The following TUSC3 variants were observed in gnomAD, a reference collection of about 807,000 sequenced individuals.
TUSC3 encodes dolichyl-diphosphooligosaccharide--protein glycosyltransferase subunit TUSC3.
A neutral mutation model predicts 44.8 loss-of-function variants in TUSC3; 45 were observed. The observed-to-expected ratio is 1.00, with a 90% confidence interval of 0.79 to 1.29. TUSC3 has a LOEUF of 1.29. Among genes scored for constraint, TUSC3 ranks in the 50% most tolerant of loss-of-function variants. The probability of loss-of-function intolerance (pLI) is 0.00; values close to 1 mark genes in which losing one functional copy is unlikely to be tolerated. For synonymous variants in TUSC3, 212 were observed against 152.9 expected (o/e 1.39, Z -2.85); for missense variants, 519 against 437.9 (o/e 1.19, Z -1.65).
chr8:15,497,767 C>T, intron 2 of TUSC3, among the ~76,000 whole-genome samples: 1 of 150,038 alleles, frequency 6.7e-6, no homozygotes, highest in African/African-American at 2.5e-5. Flanking sequence ...TTTTTTGAGA[C>T]AAAGTCTCGC....
chr8:15,595,898 G>T (rs371546292), intron 1 of TUSC3, among the ~76,000 whole-genome samples: 4 of 152,238 alleles, frequency 2.6e-5, no homozygotes, highest in African/African-American at 9.6e-5. Flanking sequence ...GTCTTCATAA[G>T]GTCCAGGTAT....
intron 6 of TUSC3, among the ~76,000 whole-genome samples, chr8:15,677,645 A>T (rs772618974): frequency 5.9e-5 from 9 of 152,246 alleles, no homozygotes; most frequent in Admixed American, 1.3e-4. Context: ...GTCCATGCCC[A>T]TATCAGCACA....
chr8:15,742,544 T>A (rs1051278638), intron 7 of TUSC3, among the ~76,000 whole-genome samples: 2 of 152,220 alleles, frequency 1.3e-5, no homozygotes, highest in Non-Finnish European at 2.9e-5. Flanking sequence ...TTCTCTGACC[T>A]CCTCCACTTG....
chr8:15,612,853 G>A (rs1442788775), intron 1 of TUSC3, among the ~76,000 whole-genome samples: 5 of 151,928 alleles, frequency 3.3e-5, no homozygotes, highest in Admixed American at 2.0e-4. Flanking sequence ...GTATCAGTAA[G>A]AGACAAAGCC....
At chr8:15,489,952 G>A (rs1200575765) in intron 2 of TUSC3, among the ~76,000 whole-genome samples, 1 of 152,156 alleles carries the variant, frequency 6.6e-6, no homozygotes, top group Non-Finnish European at 1.5e-5. Context: ...ATATTGTAAA[G>A]TTTTGTAATT....
At chr8:15,750,121 G>C (rs187847723) in intron 9 of TUSC3, among the ~76,000 whole-genome samples, 6 of 150,656 alleles carry the variant, frequency 4.0e-5, no homozygotes, top group African/African-American at 1.2e-4. Context: ...CTGGGACTAC[G>C]GGTGCCCGCC....
chr8:15,844,324 A>G, the TUSC3 span, among the ~76,000 whole-genome samples: 1 of 152,162 alleles, frequency 6.6e-6, no homozygotes, highest in African/African-American at 2.4e-5. Context: ...TGCGTTGGGC[A>G]CTGGGCTAGT....
chr8:15,822,881 T>C, the TUSC3 span, among the ~76,000 whole-genome samples: 1 of 152,154 alleles, frequency 6.6e-6, no homozygotes, highest in Non-Finnish European at 1.5e-5. Context: ...GTTGGAGATT[T>C]GGGGGCAAAA....
At chr8:15,476,779 T>C (rs1800581489) in intron 1 of TUSC3, among the ~76,000 whole-genome samples, 2 of 152,210 alleles carry the variant, frequency 1.3e-5, no homozygotes, top group African/African-American at 4.8e-5. Flanking sequence ...TCTAGAGGTT[T>C]CCTATTGGCC....
chr8:15,699,314 C>G (rs1809299952), intron 6 of TUSC3, among the ~76,000 whole-genome samples: 1 of 152,092 alleles, frequency 6.6e-6, no homozygotes, highest in Non-Finnish European at 1.5e-5. Context: ...AAGTGTTTTT[C>G]ATTTTCTCCT....
chr8:15,479,490 T>C (rs1232920061), intron 1 of TUSC3, among the ~76,000 whole-genome samples: 1 of 152,190 alleles, frequency 6.6e-6, no homozygotes, highest in African/African-American at 2.4e-5. Flanking sequence ...TGAGTTTCAA[T>C]TTTCTGTATA....
At chr8:15,561,847 C>T (rs917816131) in intron 1 of TUSC3, among the ~76,000 whole-genome samples, 6 of 152,234 alleles carry the variant, frequency 3.9e-5, no homozygotes, top group Admixed American at 6.5e-5. Context: ...GAGGCAATGC[C>T]TCGCCCTGTT....
chr8:15,759,387 C>T (rs1812075489), intron 10 of TUSC3, among the ~76,000 whole-genome samples: 1 of 151,938 alleles, frequency 6.6e-6, no homozygotes, highest in Non-Finnish European at 1.5e-5. Context: ...GGAACTTAAC[C>T]GGCTTCCACT....
chr8:15,644,308 G>A (rs934864778), intron 2 of TUSC3, among the ~76,000 whole-genome samples: 5 of 152,156 alleles, frequency 3.3e-5, no homozygotes, highest in African/African-American at 1.2e-4. Flanking sequence ...GGCTGCATAA[G>A]TATATATTAG....
At chr8:15,806,954 G>T in the TUSC3 span, 4 of 1,465,156 alleles carry the variant, frequency 2.7e-6, no homozygotes, top group Non-Finnish European at 3.8e-6. Context: ...TAACTCTCGT[G>T]TTCATCAATC....
chr8:15,423,117 A>T (rs970470422), intron 1 of TUSC3, among the ~76,000 whole-genome samples: 1 of 152,124 alleles, frequency 6.6e-6, no homozygotes, highest in Non-Finnish European at 1.5e-5. Flanking sequence ...AGTGTTTCTT[A>T]GTTTCTTATA....
intron 2 of TUSC3, among the ~76,000 whole-genome samples, chr8:15,630,734 G>T (rs1380870876): frequency 5.3e-5 from 8 of 152,066 alleles, no homozygotes; most frequent in Non-Finnish European, 1.0e-4. Context: ...TGATCTCTCC[G>T]CCAGCATATC....
intron 1 of TUSC3, among the ~76,000 whole-genome samples, chr8:15,565,152 G>A (rs1040376240): frequency 6.7e-6 from 1 of 150,210 alleles, no homozygotes. Context: ...CCTGCTGGAA[G>A]CGTTGAGGGG....
At chr8:15,460,474 C>T (rs1800329911) in intron 1 of TUSC3, among the ~76,000 whole-genome samples, 2 of 152,166 alleles carry the variant, frequency 1.3e-5, no homozygotes, top group Non-Finnish European at 2.9e-5. Context: ...TTTTCTCCCA[C>T]TCTGTGGGTT....
Sources: allele counts gnomAD v4.1 joint callset (sites outside exome capture counted in the v4.1 genomes callset), GRCh38; gene constraint gnomAD v4.1.1; transcripts MANE v1.5; gene names NCBI Gene and HGNC (gene_info 2026-07-23, HGNC 2026-07-21).